The following GRIN3A variants were observed in gnomAD, a reference collection of about 807,000 sequenced individuals.
The protein encoded by GRIN3A is glutamate ionotropic receptor NMDA type subunit 3A.
Under a neutral mutation model 92.4 loss-of-function variants are expected in GRIN3A, and 47 were observed. The observed-to-expected ratio is 0.51, with a 90% CI of 0.40 to 0.65. The LOEUF (loss-of-function observed/expected upper bound fraction) is 0.65, where lower values mean the gene tolerates loss of function less well. Ranked by LOEUF, GRIN3A falls within the 30% of genes least tolerant of loss-of-function variation. The pLI, the probability that GRIN3A is intolerant of heterozygous loss-of-function variation, is 0.00. For missense variants in GRIN3A, 1,324 were observed against 1,393.1 expected, an observed-to-expected ratio of 0.95 and a Z score of 0.79; for synonymous variants, 527 against 540.6, an observed-to-expected ratio of 0.97 and a Z score of 0.35.
chr9:101,585,521 C>T (rs1022311276), intron 6 of GRIN3A, among the ~76,000 whole-genome samples: 4 of 152,172 alleles, frequency 2.6e-5, no homozygotes, highest in Non-Finnish European at 5.9e-5. Flanking sequence ...CCTCTGAAAC[C>T]TGCTGCTTAC....
In GRIN3A at chr9:101,671,061, C is replaced by T. The variant is rs771924297; in HGVS notation, c.1351G>A (p.Val451Ile). ...GAGCTGACGATGGTGGAACCTTTTA[C>T]TCTGATGGAACCACTGAGGCCTCTG... ...TFRGLSGSIR[V>I]KGSTIVSSEN... The change falls in exon 3 of 9, where the codon GTA becomes ATA. Residue 451 changes from valine to isoleucine, a missense_variant. Coordinates refer to ENST00000361820, the MANE Select transcript of GRIN3A (RefSeq NM_133445.3). 1 of 1,613,938 alleles carries T rather than the reference C, an allele frequency of 6.2e-7. No homozygotes were observed. Among genetic ancestry groups the T allele is most frequent in the South Asian group, 1.1e-5 (1 of 91,082 alleles).
At chr9:101,608,985 C>A (rs1210021471) in intron 6 of GRIN3A, among the ~76,000 whole-genome samples, 1 of 152,212 alleles carries the variant, frequency 6.6e-6, no homozygotes. Context: ...CTTTCAAAGT[C>A]TGCAGAGTGA....
At chr9:101,636,602 G>A (rs1828788613) in intron 3 of GRIN3A, among the ~76,000 whole-genome samples, 1 of 152,086 alleles carries the variant, frequency 6.6e-6, no homozygotes, top group South Asian at 2.1e-4. Context: ...TTGTTATCTC[G>A]AGTATATTAT....
In GRIN3A at chr9:101,738,041, G is replaced by T; in HGVS notation, c.-62C>A. On this transcript the variant is annotated 5_prime_UTR_variant, in exon 1 of 9. Transcript: ENST00000361820. ...GCGCCCGGCTCGCCCCTCTGCAGCCGCTGCCTGAGGTCTCCGCCTCCAGGT... is the reference window on the plus strand; with the variant it reads ...GCGCCCGGCTCGCCCCTCTGCAGCCTCTGCCTGAGGTCTCCGCCTCCAGGT... The T allele has an allele frequency of 1.5e-6, 2 of 1,378,850 alleles. No individual in the cohort carries two copies. Among genetic ancestry groups the T allele is most frequent in the East Asian group, 2.5e-5 (1 of 40,126 alleles). The allele number at this position is 1,378,850 out of a possible 1,614,324, so 85.4% of individuals were successfully genotyped here.
At chr9:101,718,705 CATCT>C (rs1191044247) in intron 1 of GRIN3A, among the ~76,000 whole-genome samples, 1 of 152,078 alleles carries the variant, frequency 6.6e-6, no homozygotes, top group Non-Finnish European at 1.5e-5. Flanking sequence ...GCATTTAATC[CATCT>C]GTTTACTTAA....
intron 1 of GRIN3A, among the ~76,000 whole-genome samples, chr9:101,734,020 A>G (rs79772938): frequency 2.5e-3 from 384 of 152,306 alleles, no homozygotes; most frequent in African/African-American, 8.7e-3. Flanking sequence ...TTTGAATTGC[A>G]TGGATTTGGA....
chr9:101,610,187 C>G (rs556074835), intron 6 of GRIN3A, among the ~76,000 whole-genome samples: 1 of 152,142 alleles, frequency 6.6e-6, no homozygotes, highest in Non-Finnish European at 1.5e-5. Context: ...GGAAAAGACA[C>G]GCAAATCTCT....
intron 1 of GRIN3A, 133 bp from the exon 2 acceptor site, chr9:101,687,333 A>G (rs1453950964): frequency 4.5e-6 from 4 of 880,394 alleles, no homozygotes; most frequent in African/African-American, 1.7e-5. Flanking sequence ...TAAAATTCCC[A>G]TAGTTTGGAA....
chr9:101,601,087 C>A (rs943760305), intron 6 of GRIN3A: 3 of 152,178 alleles, frequency 2.0e-5, no homozygotes, highest in Admixed American at 6.5e-5. Context: ...TAGAGGAAGA[C>A]TTTTTTCTTT....
At chr9:101,662,533 A>G (rs2118935216) in intron 3 of GRIN3A, among the ~76,000 whole-genome samples, 1 of 151,848 alleles carries the variant, frequency 6.6e-6, no homozygotes, top group East Asian at 1.9e-4. Context: ...ATTATTACCA[A>G]TATTAAGCAT....
intron 1 of GRIN3A, 97 bp downstream of exon 1, chr9:101,737,184 C>A (rs1830218582): frequency 1.1e-6 from 1 of 951,200 alleles, no homozygotes; most frequent in African/African-American, 1.6e-5. Flanking sequence ...AGTAACAACT[C>A]CCCTCAGACT....
intron 6 of GRIN3A, among the ~76,000 whole-genome samples, chr9:101,598,032 G>A (rs946059323): frequency 2.0e-5 from 3 of 152,128 alleles, no homozygotes; most frequent in Non-Finnish European, 1.5e-5. Flanking sequence ...TCAGTATGTG[G>A]GGATAAAGTA....
At chr9:101,623,964 G>C (rs534363525) in intron 4 of GRIN3A, among the ~76,000 whole-genome samples, 1 of 152,286 alleles carries the variant, frequency 6.6e-6, no homozygotes, top group African/African-American at 2.4e-5. Context: ...CCTACAAAGA[G>C]GGCAAGGAAG....
intron 2 of GRIN3A, among the ~76,000 whole-genome samples, chr9:101,677,293 T>C (rs1829410633): frequency 6.6e-6 from 1 of 152,120 alleles, no homozygotes; most frequent in Non-Finnish European, 1.5e-5. Flanking sequence ...GTATTCTCAC[T>C]GTTTCTGGCA....
chr9:101,694,654 A>C (rs185190434), intron 1 of GRIN3A, among the ~76,000 whole-genome samples: 168 of 152,264 alleles, frequency 1.1e-3, no homozygotes, highest in African/African-American at 3.7e-3. Context: ...CCACTCATAT[A>C]AATTATGCCC....
chr9:101,628,490 A>C (rs1828667236), intron 3 of GRIN3A, 89 bp from the exon 4 acceptor site: 1 of 1,350,656 alleles, frequency 7.4e-7, no homozygotes, highest in African/African-American at 1.5e-5. Flanking sequence ...GAAACTTAAT[A>C]ATAATTCGGA....
intron 1 of GRIN3A, among the ~76,000 whole-genome samples, chr9:101,707,188 A>G (rs916338046): frequency 6.6e-6 from 1 of 152,230 alleles, no homozygotes; most frequent in African/African-American, 2.4e-5. Flanking sequence ...TATGGAGTGT[A>G]GCAGTATGCA....
intron 1 of GRIN3A, among the ~76,000 whole-genome samples, chr9:101,708,798 T>C (rs541441029): frequency 2.6e-5 from 4 of 152,208 alleles, no homozygotes; most frequent in East Asian, 3.8e-4. Context: ...TGCTAACATC[T>C]CCCAGATGTT....
chr9:101,589,381 G>C (rs1308104777), intron 6 of GRIN3A, among the ~76,000 whole-genome samples: 1 of 152,188 alleles, frequency 6.6e-6, no homozygotes, highest in East Asian at 1.9e-4. Context: ...TGTGTAAAAT[G>C]ACCCATAAAA....
Sources: gnomAD v4.1 joint callset for allele counts (sites outside exome capture counted in the v4.1 genomes callset) on GRCh38, gnomAD v4.1.1 for gene constraint, MANE v1.5 for transcripts, NCBI Gene and HGNC (gene_info 2026-07-23, HGNC 2026-07-21) for gene names.